Variants in RNF152 observed in about 807,000 individuals in gnomAD.
The protein encoded by RNF152 is E3 ubiquitin-protein ligase RNF152.
Under a neutral mutation model 12.7 loss-of-function variants are expected in RNF152, and 11 were observed. The ratio of observed to expected loss-of-function variants is 0.86; its 90% CI spans 0.54 to 1.43. The LOEUF (loss-of-function observed/expected upper bound fraction) is 1.43. Ranked by LOEUF, RNF152 falls within the 40% of genes most tolerant of loss-of-function variation. RNF152 has a pLI of 0.00. For synonymous variants in RNF152, 113 were observed against 120.3 expected (o/e 0.94, Z 0.40); for missense variants, 255 against 274.8 (o/e 0.93, Z 0.51).
At chr18:61,851,281 T>A (rs1910962360) in intron 1 of RNF152, among the ~76,000 whole-genome samples, 3 of 152,144 alleles carry the variant, frequency 2.0e-5, no homozygotes, top group Non-Finnish European at 1.5e-5. Context: ...AAACTTTAAA[T>A]CACTGAAGTC....
At chr18:61,858,521 T>G (rs1421642097) in intron 1 of RNF152, among the ~76,000 whole-genome samples, 1 of 152,020 alleles carries the variant, frequency 6.6e-6, no homozygotes, top group Non-Finnish European at 1.5e-5. Context: ...CTCCCTAGAC[T>G]TCACATTCCA....
At chr18:61,851,925 G>T (rs1027161816) in intron 1 of RNF152, among the ~76,000 whole-genome samples, 1 of 152,000 alleles carries the variant, frequency 6.6e-6, no homozygotes, top group South Asian at 2.1e-4. Context: ...AAAATATAAC[G>T]ACATCTGCAC....
intron 1 of RNF152, among the ~76,000 whole-genome samples, chr18:61,871,991 A>C (rs1405000721): frequency 6.6e-6 from 1 of 152,198 alleles, no homozygotes; most frequent in Admixed American, 6.5e-5. Flanking sequence ...TAATTTATAA[A>C]GAAAAGAGGC....
intron 1 of RNF152, among the ~76,000 whole-genome samples, chr18:61,863,178 G>C (rs917173804): frequency 3.9e-5 from 6 of 152,144 alleles, no homozygotes; most frequent in African/African-American, 1.4e-4. Flanking sequence ...GCTCACACCT[G>C]CAATCCCAGC....
intron 1 of RNF152, among the ~76,000 whole-genome samples, chr18:61,828,800 G>C (rs1909790315): frequency 6.6e-6 from 1 of 152,104 alleles, no homozygotes; most frequent in Admixed American, 6.5e-5. Context: ...CTAGGTTTGG[G>C]GAATCTGAAG....
intron 1 of RNF152, among the ~76,000 whole-genome samples, chr18:61,821,648 C>T (rs56122932): frequency 0.26 from 39,838 of 152,044 alleles, 6,147 homozygotes; most frequent in Non-Finnish European, 0.35. Context: ...GGTCTCCAAC[C>T]CCCAGGCCAC....
intron 1 of RNF152, among the ~76,000 whole-genome samples, chr18:61,852,175 A>G (rs1197044905): frequency 6.6e-6 from 1 of 152,236 alleles, no homozygotes; most frequent in East Asian, 1.9e-4. Flanking sequence ...ACATTCCAAT[A>G]TGATTATTTC....
In RNF152 at chr18:61,808,615, A is replaced by G. The variant is rs1912807474; in HGVS notation, c.*7237T>C. 6.6e-6 allele frequency: 1 copy of G among 152,134 alleles called. No homozygotes were observed. Among genetic ancestry groups the G allele is most frequent in the African/African-American group, 2.4e-5 (1 of 41,418 alleles). The allele number at this position is 152,134 out of a possible 1,614,324, so 9.4% of individuals were successfully genotyped here. On this transcript the variant is annotated 3_prime_UTR_variant, in exon 2 of 2. Transcript: ENST00000312828. The stretch of plus-strand genomic sequence containing the variant: ...TATGTAGGGAGTTTGTAACAGCCCC[A>G]AGCTGAAACCAGCTTCTACACCCAT...
At chr18:61,844,559 C>T (rs1338576593) in intron 1 of RNF152, among the ~76,000 whole-genome samples, 1 of 152,134 alleles carries the variant, frequency 6.6e-6, no homozygotes, top group Non-Finnish European at 1.5e-5. Context: ...GTGTAAGAAA[C>T]ATGTTCAGGA....
chr18:61,817,472 T>G (rs1039331133), intron 1 of RNF152, among the ~76,000 whole-genome samples: 4 of 152,140 alleles, frequency 2.6e-5, no homozygotes, highest in African/African-American at 9.7e-5. Flanking sequence ...GCCCTTTCTA[T>G]GAGTGGGTTC....
At chr18:61,890,563 C>A (rs1426688894) in intron 1 of RNF152, 1 of 152,220 alleles carries the variant, frequency 6.6e-6, no homozygotes, top group African/African-American at 2.4e-5. Context: ...GCTATGGAGA[C>A]TTGGAGGTAT....
chr18:61,885,985 C>CTTTTTTTTTTTTTTTTT (rs558169838), intron 1 of RNF152, among the ~76,000 whole-genome samples: 2 of 81,694 alleles, frequency 2.4e-5, no homozygotes, highest in African/African-American at 9.2e-5. Context: ...CTTTTGCTTT[C>CTTTTTTTTTTTTTTTTT]TTTTTTTTTT....
At chr18:61,854,365 C>G (rs897417146) in intron 1 of RNF152, among the ~76,000 whole-genome samples, 4 of 152,176 alleles carry the variant, frequency 2.6e-5, no homozygotes, top group African/African-American at 9.7e-5. Flanking sequence ...AGCAAGCTCT[C>G]AGTTTTGAGA....
chr18:61,878,795 G>A (rs1912327940), intron 1 of RNF152, among the ~76,000 whole-genome samples: 1 of 152,144 alleles, frequency 6.6e-6, no homozygotes, highest in South Asian at 2.1e-4. Context: ...CCATTCACAA[G>A]GGCAGAGCCT....
chr18:61,841,555 C>T (rs1910455210), intron 1 of RNF152, among the ~76,000 whole-genome samples: 1 of 152,278 alleles, frequency 6.6e-6, no homozygotes, highest in African/African-American at 2.4e-5. Flanking sequence ...CAAGGCCACT[C>T]TTTCTAGTCT....
At chr18:61,870,771 CCAGGCAAAACAGTT>C (rs1911955167) in intron 1 of RNF152, among the ~76,000 whole-genome samples, 1 of 152,158 alleles carries the variant, frequency 6.6e-6, no homozygotes, top group African/African-American at 2.4e-5. Context: ...CAGCTCCAGT[CCAGGCAAAACAGTT>C]CAGGGGAAAC....
chr18:61,877,483 T>A (rs967084599), intron 1 of RNF152, among the ~76,000 whole-genome samples: 1 of 152,218 alleles, frequency 6.6e-6, no homozygotes, highest in Non-Finnish European at 1.5e-5. Context: ...AAATGCATTA[T>A]ACATAAATTG....
At chr18:61,871,871 A>T (rs1912010981) in intron 1 of RNF152, among the ~76,000 whole-genome samples, 1 of 152,202 alleles carries the variant, frequency 6.6e-6, no homozygotes, top group African/African-American at 2.4e-5. Context: ...ACATATCTTC[A>T]TGGCAACAAC....
chr18:61,844,968 C>T (rs117415869), intron 1 of RNF152, among the ~76,000 whole-genome samples: 5,782 of 152,262 alleles, frequency 0.038, 157 homozygotes, highest in South Asian at 0.067. Flanking sequence ...TTATTCCTTC[C>T]ATTCCTCCTG....
Sources: allele counts gnomAD v4.1 joint callset (sites outside exome capture counted in the v4.1 genomes callset), GRCh38; gene constraint gnomAD v4.1.1; transcripts MANE v1.5; gene names NCBI Gene and HGNC (gene_info 2026-07-23, HGNC 2026-07-21).